HCN1: variants seen among roughly 807,000 people sequenced by gnomAD.
The protein encoded by HCN1 is potassium/sodium hyperpolarization-activated cyclic nucleotide-gated channel 1.
HCN1 carries 13 observed loss-of-function variants against 78.9 expected under a neutral mutation model. The observed-to-expected ratio is 0.16, with a 90% CI of 0.11 to 0.26. The LOEUF is 0.26. Among genes scored for constraint, HCN1 ranks in the 10% least tolerant of loss-of-function variants. HCN1 has a pLI of 1.00. For missense variants in HCN1, 810 were observed against 1,154.3 expected (o/e 0.70, Z 4.32); for synonymous variants, 552 against 455.5 (o/e 1.21, Z -2.70).
chr5:45,504,310 C>T (rs1024126536), intron 2 of HCN1, among the ~76,000 whole-genome samples: 20 of 151,996 alleles, frequency 1.3e-4, no homozygotes, highest in Admixed American at 1.1e-3. Context: ...TCCAAGTGTT[C>T]TCATTGTTCA....
chr5:45,381,295 A>G (rs539055649), intron 4 of HCN1, among the ~76,000 whole-genome samples: 12 of 152,112 alleles, frequency 7.9e-5, no homozygotes, highest in Non-Finnish European at 1.6e-4. Context: ...AAACAACTTC[A>G]GATAAGTTTC....
intron 2 of HCN1, among the ~76,000 whole-genome samples, chr5:45,577,273 G>C (rs1743966575): frequency 6.6e-6 from 1 of 152,020 alleles, no homozygotes; most frequent in African/African-American, 2.4e-5. Context: ...TCAATTGCTA[G>C]AAATTAGAAC....
At chr5:45,305,433 C>G (rs935464080) in intron 5 of HCN1, among the ~76,000 whole-genome samples, 1 of 151,934 alleles carries the variant, frequency 6.6e-6, no homozygotes, top group Admixed American at 6.6e-5. Context: ...TACAAATAAG[C>G]AACAATAATC....
intron 6 of HCN1, among the ~76,000 whole-genome samples, chr5:45,268,795 T>G (rs915520125): frequency 6.6e-6 from 1 of 152,220 alleles, no homozygotes; most frequent in Admixed American, 6.5e-5. Context: ...AATATGTGTG[T>G]GTGTCTGTGT....
Position 45,544,641 on chromosome 5 carries a change from C to T in HCN1, c.850-82634G>A, listed in dbSNP as rs983114574. On this transcript the variant is annotated intron_variant, in intron 2 of 7. Transcript: ENST00000303230. ...ACAGGCCCCAGTGTGTGATATTCCC[C>T]ACCTAGTGTCCAAGTGTTCTCACTG... 7.4e-5 allele frequency among the ~76,000 whole-genome samples: 11 copies of T among 149,196 alleles called. No individual in the cohort carries two copies. In the East Asian group the frequency reaches 1.4e-3, roughly 19 times the overall value.
chr5:45,658,693 G>A (rs1232582832), intron 1 of HCN1, among the ~76,000 whole-genome samples: 21 of 151,564 alleles, frequency 1.4e-4, no homozygotes, highest in African/African-American at 2.4e-4. Context: ...AAGGGGTGAG[G>A]GACGCACCTG....
At chr5:45,459,459 T>C (rs758653747) in intron 3 of HCN1, among the ~76,000 whole-genome samples, 9 of 147,120 alleles carry the variant, frequency 6.1e-5, no homozygotes, top group Non-Finnish European at 1.3e-4. Flanking sequence ...TTTTGTATAA[T>C]GTCAGGATAT....
At chr5:45,550,785 T>C (rs1743350890) in intron 2 of HCN1, among the ~76,000 whole-genome samples, 1 of 152,048 alleles carries the variant, frequency 6.6e-6, no homozygotes, top group East Asian at 1.9e-4. Flanking sequence ...AAAGCATATT[T>C]AATCCATTGT....
intron 5 of HCN1, among the ~76,000 whole-genome samples, chr5:45,322,528 C>A (rs938633829): frequency 1.3e-5 from 2 of 151,692 alleles, no homozygotes; most frequent in Non-Finnish European, 2.9e-5. Context: ...TTTGCATATC[C>A]CAAATGAGAA....
intron 2 of HCN1, among the ~76,000 whole-genome samples, chr5:45,545,088 C>A (rs1316589827): frequency 6.6e-6 from 1 of 152,130 alleles, no homozygotes; most frequent in Admixed American, 6.5e-5. Context: ...GTTCCTATTT[C>A]TCCACATACT....
intron 6 of HCN1, among the ~76,000 whole-genome samples, chr5:45,292,050 AT>A (rs1745388996): frequency 6.6e-6 from 1 of 151,938 alleles, no homozygotes; most frequent in Non-Finnish European, 1.5e-5. Context: ...AATACAGTGT[AT>A]TTTCAATATC....
intron 7 of HCN1, among the ~76,000 whole-genome samples, chr5:45,266,125 A>C (rs528815646): frequency 6.6e-6 from 1 of 152,344 alleles, no homozygotes; most frequent in South Asian, 2.1e-4. Context: ...GTTAACAGCA[A>C]GCCAATCCAA....
At chr5:45,580,606 T>C (rs1403324317) in intron 2 of HCN1, among the ~76,000 whole-genome samples, 1 of 152,118 alleles carries the variant, frequency 6.6e-6, no homozygotes, top group Non-Finnish European at 1.5e-5. Context: ...GTTACATGTG[T>C]ATACATGTGC....
At chr5:45,585,697 G>A (rs1198965289) in intron 2 of HCN1, among the ~76,000 whole-genome samples, 1 of 152,066 alleles carries the variant, frequency 6.6e-6, no homozygotes, top group African/African-American at 2.4e-5. Context: ...GTACAGATGG[G>A]GTTTTGGTGT....
chr5:45,335,611 T>C (rs1441474730), intron 5 of HCN1, among the ~76,000 whole-genome samples: 1 of 152,038 alleles, frequency 6.6e-6, no homozygotes, highest in African/African-American at 2.4e-5. Context: ...AATAACTACA[T>C]ACAATTAGTT....
intron 5 of HCN1, among the ~76,000 whole-genome samples, chr5:45,350,464 C>T (rs969573917): frequency 6.6e-6 from 1 of 152,038 alleles, no homozygotes; most frequent in African/African-American, 2.4e-5. Context: ...AAAACTGCCA[C>T]AAGACAGGGA....
intron 2 of HCN1, among the ~76,000 whole-genome samples, chr5:45,510,066 AAAT>A (rs748839378): frequency 6.6e-6 from 1 of 152,134 alleles, no homozygotes; most frequent in Non-Finnish European, 1.5e-5. Flanking sequence ...TCATTTTGGC[AAAT>A]AATAATAACA....
At chr5:45,521,521 C>A (rs897486182) in intron 2 of HCN1, among the ~76,000 whole-genome samples, 4 of 152,040 alleles carry the variant, frequency 2.6e-5, no homozygotes, top group Admixed American at 2.0e-4. Flanking sequence ...GGCATTATGT[C>A]TTTTCATATC....
intron 3 of HCN1, among the ~76,000 whole-genome samples, chr5:45,453,831 T>G (rs1453665969): frequency 6.6e-6 from 1 of 152,142 alleles, no homozygotes; most frequent in Non-Finnish European, 1.5e-5. Flanking sequence ...ACATTTAGAA[T>G]AGCAAGGATA....
Sources: gnomAD v4.1 joint callset for allele counts (sites outside exome capture counted in the v4.1 genomes callset) on GRCh38, gnomAD v4.1.1 for gene constraint, MANE v1.5 for transcripts, NCBI Gene and HGNC (gene_info 2026-07-23, HGNC 2026-07-21) for gene names.